Variants in RUFY4 observed in about 807,000 individuals in gnomAD.
RUFY4 encodes RUN and FYVE domain containing 4.
A neutral mutation model predicts 69.0 loss-of-function variants in RUFY4; 73 were observed. The ratio of observed to expected loss-of-function variants is 1.06; its 90% confidence interval spans 0.88 to 1.29. The LOEUF is 1.29. RUFY4 is among the 50% of genes most tolerant of loss of function. RUFY4 has a pLI of 0.00. For synonymous variants in RUFY4, 287 were observed against 271.8 expected (o/e 1.06, Z -0.55); for missense variants, 770 against 705.6 (o/e 1.09, Z -1.03).
chr2:218,087,689 C>A (rs1364382978), intron 9 of RUFY4, among the ~76,000 whole-genome samples: 2 of 152,122 alleles, frequency 1.3e-5, no homozygotes, highest in Admixed American at 1.3e-4. Context: ...ATTAGCCAGG[C>A]ATGGTGGCAC....
Position 218,049,511 on chromosome 2 carries a change from C to CTT in RUFY4, c.-1157-9072_-1157-9071dup, listed in dbSNP as rs570156063. Among the ~76,000 whole-genome samples the CTT allele has an allele frequency of 3.6e-3, 515 of 142,872 alleles. 3 individuals are homozygous for CTT. The highest frequency in any genetic ancestry group is 0.012 in the African/African-American group (467 of 39,398). The allele number at this position is 142,872 out of a possible 152,430, so 93.7% of individuals were successfully genotyped here. On this transcript the variant is annotated intron_variant and NMD_transcript_variant, in intron 2 of 13. Transcript: ENST00000457754. Reference sequence around the variant, plus strand: ...TTCTTTTTTTCTTGCTGTTTTAGGTCTTTTTTTTTTTTTAGATGGAGTTTC... The same window carrying CTT: ...TTCTTTTTTTCTTGCTGTTTTAGGTCTTTTTTTTTTTTTTTAGATGGAGTTTC...
At chr2:218,081,759 G>T (rs1375588566) in intron 8 of RUFY4, among the ~76,000 whole-genome samples, 1 of 152,248 alleles carries the variant, frequency 6.6e-6, no homozygotes, top group African/African-American at 2.4e-5. Flanking sequence ...CCTGCTTCGT[G>T]CCTGAGCACC....
chr2:218,073,971 C>T (rs1301081956), intron 6 of RUFY4, 86 bp downstream of exon 8: 6 of 1,335,660 alleles, frequency 4.5e-6, no homozygotes, highest in African/African-American at 1.4e-5. Context: ...GCTTCCCCCT[C>T]CGAGTGTACA....
At chr2:218,088,798 A>ATCTGTCTCCATATCTGTGTCTTCTCC (rs1689954937) in intron 9 of RUFY4, among the ~76,000 whole-genome samples, 1 of 150,310 alleles carries the variant, frequency 6.7e-6, no homozygotes, top group Non-Finnish European at 1.5e-5. Flanking sequence ...CTATCTCTCC[A>ATCTGTCTCCATATCTGTGTCTTCTCC]TCTGTCTCCA....
At chr2:218,052,037 A>G (rs1688954169) in intron 2 of RUFY4, among the ~76,000 whole-genome samples, 2 of 152,170 alleles carry the variant, frequency 1.3e-5, no homozygotes, top group Admixed American at 1.3e-4. Context: ...AAAGCTTTTC[A>G]GATTCATGTC....
chr2:218,052,916 G>A (rs1421774752), intron 2 of RUFY4, among the ~76,000 whole-genome samples: 1 of 150,902 alleles, frequency 6.6e-6, no homozygotes, highest in Admixed American at 6.6e-5. Context: ...TTCAATAAAT[G>A]ACTGTTATTT....
At chr2:218,076,855 C>A (rs1416585132) in intron 8 of RUFY4, among the ~76,000 whole-genome samples, 1 of 152,206 alleles carries the variant, frequency 6.6e-6, no homozygotes, top group Non-Finnish European at 1.5e-5. Flanking sequence ...CTCTTTTTCA[C>A]CCTCTCTGCC....
chr2:218,066,256 T>A (rs1559428975), upstream of RUFY4, among the ~76,000 whole-genome samples: 1 of 137,256 alleles, frequency 7.3e-6, no homozygotes, highest in African/African-American at 2.8e-5. Context: ...CAATCTCAGC[T>A]CACTGCAACC....
At chr2:218,062,521 G>C (rs1689223705) in intron 3 of RUFY4, among the ~76,000 whole-genome samples, 1 of 152,022 alleles carries the variant, frequency 6.6e-6, no homozygotes, top group Non-Finnish European at 1.5e-5. Flanking sequence ...GACCAGCCTG[G>C]GCAACACGGT....
chr2:218,061,041 T>C (rs1198538222), intron 3 of RUFY4: 1 of 685,308 alleles, frequency 1.5e-6, no homozygotes, highest in East Asian at 3.1e-5. Context: ...GAAGTTGACT[T>C]CCTTCAGGAG....
intron 2 of RUFY4, among the ~76,000 whole-genome samples, chr2:218,049,511 CT>C (rs570156063): frequency 4.4e-3 from 621 of 142,464 alleles, no homozygotes; most frequent in Non-Finnish European, 4.0e-3. Context: ...TGTTTTAGGT[CT>C]TTTTTTTTTT....
intron 2 of RUFY4, among the ~76,000 whole-genome samples, chr2:218,051,279 C>T (rs933212607): frequency 7.2e-5 from 11 of 152,100 alleles, no homozygotes; most frequent in Admixed American, 3.3e-4. Context: ...ATTAAGAAAA[C>T]GTCCTATACC....
upstream of RUFY4, chr2:218,068,528 A>G (rs941762279): frequency 1.3e-5 from 2 of 152,796 alleles, no homozygotes; most frequent in African/African-American, 4.8e-5. Context: ...TGGTTTTTAG[A>G]TGCGGTTCCT....
intron 2 of RUFY4, among the ~76,000 whole-genome samples, chr2:218,036,809 A>C (rs1361920869): frequency 6.6e-6 from 1 of 152,244 alleles, no homozygotes; most frequent in Non-Finnish European, 1.5e-5. Context: ...TTTGCAGTTT[A>C]AATATCTCTG....
chr2:218,061,285 G>A (rs997486248), intron 3 of RUFY4: 1 of 324,428 alleles, frequency 3.1e-6, no homozygotes, highest in African/African-American at 2.2e-5. Flanking sequence ...TTGATTTCTA[G>A]GGATTCTGGC....
At chr2:218,043,932 G>A (rs950182823) in intron 2 of RUFY4, among the ~76,000 whole-genome samples, 3 of 152,250 alleles carry the variant, frequency 2.0e-5, no homozygotes, top group African/African-American at 7.2e-5. Context: ...CCAGAAGGGG[G>A]CTGAGGAGGC....
At chr2:218,085,887 G>A (rs1438247652) in intron 9 of RUFY4, among the ~76,000 whole-genome samples, 2 of 152,082 alleles carry the variant, frequency 1.3e-5, no homozygotes, top group African/African-American at 4.8e-5. Flanking sequence ...TCCACTATTC[G>A]GAGTTCTAAA....
intron 8 of RUFY4, among the ~76,000 whole-genome samples, chr2:218,082,560 C>T (rs1006406082): frequency 2.0e-5 from 3 of 152,126 alleles, no homozygotes; most frequent in African/African-American, 4.8e-5. Flanking sequence ...GGAGTCAGTT[C>T]GTAGGTGTCA....
At chr2:218,090,440 C>T (rs768157966) in exon 11 of RUFY4, 8 of 232,598 alleles carry the variant, frequency 3.4e-5, no homozygotes, top group East Asian at 9.3e-5. Context: ...TCCTGATTCA[C>T]GAGAAGTGAA....
Sources: gnomAD v4.1 joint callset for allele counts (sites outside exome capture counted in the v4.1 genomes callset) on GRCh38, gnomAD v4.1.1 for gene constraint, MANE v1.5 for transcripts, NCBI Gene and HGNC (gene_info 2026-07-23, HGNC 2026-07-21) for gene names.